Variants in BARD1 observed in about 807,000 individuals in gnomAD.
BARD1 encodes the protein BRCA1-associated RING domain protein 1.
BARD1 carries 73 observed loss-of-function variants against 77.0 expected under a neutral mutation model. The observed-to-expected ratio is 0.95, with a 90% CI of 0.79 to 1.15. The LOEUF is 1.15. BARD1 is among the 50% of genes most tolerant of loss of function. The pLI is 0.00. For missense variants in BARD1, 993 were observed against 938.8 expected, an observed-to-expected ratio of 1.06 and a Z score of -0.75; for synonymous variants, 384 against 338.0, an observed-to-expected ratio of 1.14 and a Z score of -1.49.
intron 6 of BARD1, among the ~76,000 whole-genome samples, chr2:214,767,109 G>A (rs1014106745): frequency 1.3e-5 from 2 of 152,102 alleles, no homozygotes; most frequent in East Asian, 1.9e-4. Flanking sequence ...GTTTACTAAG[G>A]ATAATGGCCT....
chr2:214,752,659 C>A, intron 6 of BARD1, 104 bp from the exon 7 acceptor site: 1 of 833,490 alleles, frequency 1.2e-6, no homozygotes, highest in Non-Finnish European at 2.0e-6. Context: ...ATAAATTACT[C>A]AGAACTCATA....
Position 214,809,677 on chromosome 2 carries a change from C to G in BARD1, c.-108G>C, listed in dbSNP as rs963035634. On this transcript the variant is annotated 5_prime_UTR_variant, in exon 1 of 11. Coordinates refer to ENST00000260947, the MANE Select transcript of BARD1 (RefSeq NM_000465.4). ...GACTCGAAACCGGCCAAGCTCTTCC[C>G]GCGTCTGGGACGGCGGGCCGCCAGA... 6.3e-6 allele frequency: 9 copies of G among 1,435,640 alleles called. No homozygotes were observed. The East Asian group carries it at 1.5e-4, about 24-fold the overall frequency. 88.9% of individuals were successfully genotyped at this position (1,435,640 alleles called of 1,614,324 possible). A position where few individuals can be genotyped will look rare whatever the true frequency, so the allele number is the denominator to read the frequency against.
intron 9 of BARD1, among the ~76,000 whole-genome samples, chr2:214,743,225 G>GA (rs1412798014): frequency 1.3e-5 from 2 of 152,114 alleles, no homozygotes; most frequent in African/African-American, 4.8e-5. Flanking sequence ...TTGATGAAAG[G>GA]AAACTGTTTT....
At chr2:214,793,743 T>A (rs772911589) in intron 2 of BARD1, among the ~76,000 whole-genome samples, 1 of 152,172 alleles carries the variant, frequency 6.6e-6, no homozygotes, top group African/African-American at 2.4e-5. Flanking sequence ...TTATTTTATA[T>A]ACATTAATTT....
intron 2 of BARD1, chr2:214,796,740 G>C (rs1247858703): frequency 2.5e-5 from 8 of 317,928 alleles, no homozygotes; most frequent in Admixed American, 4.6e-5. Flanking sequence ...ACAATTTTGA[G>C]TCTAGATTCA....
At position 214,809,531 on chromosome 2, in the gene BARD1, C is replaced by T. The variant is rs770217979; in HGVS notation, c.39G>A (p.Arg13=). 3.2e-6 allele frequency: 5 copies of T among 1,583,200 alleles called. No homozygotes were observed. The South Asian group carries it at 5.6e-5, about 18-fold the overall frequency. The part of the protein sequence containing the change: ...DNRQPRNRQP[R]IRSGNEPRSA... ...AACGAGGCTCGTTCCCGGAGCGGAT[C>T]CTCGGCTGCCGGTTCCTCGGCTGCC... Residue 13 remains arginine, a synonymous_variant, in exon 1 of 11, where the codon AGG becomes AGA. Coordinates refer to ENST00000260947, the MANE Select transcript of BARD1 (RefSeq NM_000465.4).
intron 2 of BARD1, among the ~76,000 whole-genome samples, chr2:214,793,718 T>C (rs1374957724): frequency 6.6e-6 from 1 of 152,148 alleles, no homozygotes; most frequent in Admixed American, 6.5e-5. Flanking sequence ...TAACATTTTA[T>C]AAACTATTCC....
chr2:214,769,961 T>A (rs1484039448), intron 4 of BARD1, among the ~76,000 whole-genome samples: 1 of 152,170 alleles, frequency 6.6e-6, no homozygotes, highest in Non-Finnish European at 1.5e-5. Context: ...TGAGCATTTG[T>A]AAATGGCTTC....
chr2:214,731,320 C>G (rs1199100174), intron 9 of BARD1, among the ~76,000 whole-genome samples: 1 of 152,138 alleles, frequency 6.6e-6, no homozygotes, highest in Non-Finnish European at 1.5e-5. Flanking sequence ...TCTCGCTAGG[C>G]TCTAGAAATG....
chr2:214,760,723 G>A (rs1270637410), intron 6 of BARD1, among the ~76,000 whole-genome samples: 2 of 151,692 alleles, frequency 1.3e-5, no homozygotes, highest in Admixed American at 1.3e-4. Flanking sequence ...CAAAATCACA[G>A]CCTCAGATAA....
chr2:214,751,207 G>T (rs1393958529), intron 7 of BARD1, among the ~76,000 whole-genome samples: 2 of 126,782 alleles, frequency 1.6e-5, no homozygotes, highest in Non-Finnish European at 3.2e-5. Context: ...ACCCAGGATG[G>T]AATGCAGTGG....
chr2:214,780,405 C>G (rs1694928273), intron 4 of BARD1, among the ~76,000 whole-genome samples, 155 bp downstream of exon 4: 1 of 152,204 alleles, frequency 6.6e-6, no homozygotes, highest in Non-Finnish European at 1.5e-5. Context: ...TAGAGATGCT[C>G]TCCCTATGAA....
intron 10 of BARD1, 124 bp from the exon 11 acceptor site, chr2:214,729,132 A>G (rs1028170410): frequency 1.7e-6 from 2 of 1,165,164 alleles, no homozygotes; most frequent in Admixed American, 2.5e-5. Context: ...TTGGAGGAGA[A>G]GCATTTCAGA....
chr2:214,753,229 A>G (rs56023595), intron 6 of BARD1, among the ~76,000 whole-genome samples: 47,653 of 151,942 alleles, frequency 0.31, 7,661 homozygotes, highest in South Asian at 0.4. Flanking sequence ...ACAAGTTCCA[A>G]TGGCTTAACT....
At position 214,730,234 on chromosome 2, in the gene BARD1, C is replaced by T. The variant is rs532897029; in HGVS notation, c.2001+177G>A. The T allele has an allele frequency of 2.5e-5, 16 of 628,458 alleles. No homozygotes were observed. The East Asian group carries it at 3.9e-4, about 15-fold the overall frequency. The allele number at this position is 628,458 out of a possible 1,614,324, so 38.9% of individuals were successfully genotyped here. On this transcript the variant is annotated intron_variant, in intron 10 of 10. Coordinates refer to ENST00000260947, the MANE Select transcript of BARD1 (RefSeq NM_000465.4). ...ATCCATTAACAGTATGAAATTATTACCTTCTGGATTTTACTGCTCATCGTG... is the reference window on the plus strand; with the variant it reads ...ATCCATTAACAGTATGAAATTATTATCTTCTGGATTTTACTGCTCATCGTG...
chr2:214,730,222 A>G (rs1692288668), intron 10 of BARD1, 189 bp downstream of exon 10: 1 of 607,786 alleles, frequency 1.6e-6, no homozygotes, highest in Non-Finnish European at 2.9e-6. Flanking sequence ...CATTAACAGT[A>G]TGAAATTATT....
intron 1 of BARD1, among the ~76,000 whole-genome samples, chr2:214,804,389 T>TG: frequency 6.6e-6 from 1 of 152,348 alleles, no homozygotes. Context: ...TCTGGCATTG[T>TG]GGCTACAAAC....
intron 2 of BARD1, among the ~76,000 whole-genome samples, chr2:214,794,206 G>A (rs547123046): frequency 1.4e-4 from 21 of 152,130 alleles, no homozygotes; most frequent in African/African-American, 4.3e-4. Context: ...AGCCATGATC[G>A]CGCCACTGCA....
chr2:214,765,975 T>C (rs1025992989), intron 6 of BARD1, among the ~76,000 whole-genome samples: 1 of 152,362 alleles, frequency 6.6e-6, no homozygotes, highest in East Asian at 1.9e-4. Context: ...CATTTTATAA[T>C]TCTTATTTGC....
Sources: gnomAD v4.1 joint callset for allele counts (sites outside exome capture counted in the v4.1 genomes callset) on GRCh38, gnomAD v4.1.1 for gene constraint, MANE v1.5 for transcripts, NCBI Gene and HGNC (gene_info 2026-07-23, HGNC 2026-07-21) for gene names.